The following ATP6V1H variants were observed in gnomAD, a reference collection of about 807,000 sequenced individuals.
ATP6V1H encodes the protein ATPase H+ transporting V1 subunit H.
ATP6V1H carries 39 observed loss-of-function variants against 71.7 expected under a neutral mutation model. The observed-to-expected ratio is 0.54, with a 90% confidence interval of 0.42 to 0.71. ATP6V1H has a LOEUF of 0.71. ATP6V1H is among the 30% of genes least tolerant of loss of function. The pLI, the probability that ATP6V1H is intolerant of heterozygous loss-of-function variation, is 0.00. For synonymous variants in ATP6V1H, 192 were observed against 199.3 expected, an observed-to-expected ratio of 0.96 and a Z score of 0.31; for missense variants, 509 against 594.9, an observed-to-expected ratio of 0.86 and a Z score of 1.50.
At chr8:53,720,545 T>C (rs79945238) in intron 13 of ATP6V1H, among the ~76,000 whole-genome samples, 6,932 of 152,282 alleles carry the variant, frequency 0.046, 533 homozygotes, top group African/African-American at 0.16. Flanking sequence ...GGAAGACCAT[T>C]ACCCATTCTA....
chr8:53,824,504 CA>C (rs1429789162), intron 4 of ATP6V1H, among the ~76,000 whole-genome samples: 1 of 152,090 alleles, frequency 6.6e-6, no homozygotes, highest in Non-Finnish European at 1.5e-5. Flanking sequence ...AATATCATAT[CA>C]AGAAAATATG....
intron 11 of ATP6V1H, among the ~76,000 whole-genome samples, chr8:53,765,454 AACACACACACACACAC>A (rs59822523): frequency 0.11 from 7,931 of 74,048 alleles, 589 homozygotes; most frequent in East Asian, 0.42. Flanking sequence ...CAACAACAAC[AACACACACACACACAC>A]ACACACACAC....
At chr8:53,774,700 A>G (rs1198162343) in intron 9 of ATP6V1H, among the ~76,000 whole-genome samples, 3 of 152,044 alleles carry the variant, frequency 2.0e-5, no homozygotes, top group African/African-American at 4.8e-5. Flanking sequence ...GAGTCTAGAT[A>G]TGAAAAAAAA....
intron 10 of ATP6V1H, among the ~76,000 whole-genome samples, chr8:53,771,486 G>A (rs912207189): frequency 1.3e-5 from 2 of 152,156 alleles, no homozygotes; most frequent in Admixed American, 6.6e-5. Context: ...AGACCCGAGG[G>A]AGAGTGAGGC....
At chr8:53,731,021 A>C (rs186139871) in intron 13 of ATP6V1H, among the ~76,000 whole-genome samples, 246 of 152,312 alleles carry the variant, frequency 1.6e-3, no homozygotes, top group Middle Eastern at 0.01. Context: ...CTGTAATCTT[A>C]TTAAGCCTCC....
intron 13 of ATP6V1H, among the ~76,000 whole-genome samples, chr8:53,718,054 TG>T (rs1806483704): frequency 6.6e-6 from 1 of 152,208 alleles, no homozygotes; most frequent in African/African-American, 2.4e-5. Context: ...GGCAGGGAAC[TG>T]GTAAGTTATC....
intron 10 of ATP6V1H, among the ~76,000 whole-genome samples, chr8:53,771,771 G>A (rs1808665509): frequency 6.6e-6 from 1 of 152,196 alleles, no homozygotes; most frequent in African/African-American, 2.4e-5. Flanking sequence ...TTAGACGGCA[G>A]AAAACAGTGG....
chr8:53,780,893 G>C (rs1809098223), intron 9 of ATP6V1H, among the ~76,000 whole-genome samples: 1 of 152,198 alleles, frequency 6.6e-6, no homozygotes, highest in African/African-American at 2.4e-5. Flanking sequence ...TGGCTGCAGA[G>C]TATTCCATGG....
chr8:53,749,063 T>C (rs1807703469), intron 12 of ATP6V1H, among the ~76,000 whole-genome samples: 1 of 152,266 alleles, frequency 6.6e-6, no homozygotes, highest in South Asian at 2.1e-4. Flanking sequence ...TCTAGTCAGA[T>C]ACAGGTGGCT....
At position 53,772,164 on chromosome 8, in the gene ATP6V1H, A is replaced by C; in HGVS notation, c.874T>G (p.Phe292Val). Residue 292 changes from phenylalanine to valine, a missense_variant, in exon 10 of 14, where the codon TTT (phenylalanine) becomes GTT (valine). Physicochemically the swap from Phe to Val is conservative, Grantham distance 50. This residue lies in a region of ATP6V1H where 212 missense variants were observed against 291.6 expected (regional missense o/e 0.73). Transcript: ENST00000359530. ...TRIILAAFRN[F>V]LEKSTERETR... is the part of the protein sequence containing the mutation. ...TCTCTTTCAGTTGATTTTTCTAAAA[A>C]GTTCTGGGTTAGACAAAGTGATAGT... 1.9e-6 allele frequency: 3 copies of C among 1,610,528 alleles called. No homozygotes were observed. The South Asian group carries it at 3.3e-5, about 18-fold the overall frequency.
chr8:53,755,717 TATATATATATATATATATATA>T (rs1563451101), intron 12 of ATP6V1H, among the ~76,000 whole-genome samples: 4 of 7,250 alleles, frequency 5.5e-4, no homozygotes, highest in African/African-American at 1.4e-3. Flanking sequence ...TATATATATA[TATATATATATATATATATATA>T]TATATATTTT....
At chr8:53,827,242 G>T (rs1473343125) in intron 4 of ATP6V1H, among the ~76,000 whole-genome samples, 2 of 151,676 alleles carry the variant, frequency 1.3e-5, no homozygotes, top group Non-Finnish European at 1.5e-5. Flanking sequence ...AATTAGCCAG[G>T]CATGGTGACA....
intron 9 of ATP6V1H, among the ~76,000 whole-genome samples, chr8:53,793,268 G>A (rs996625285): frequency 8.5e-5 from 13 of 152,172 alleles, no homozygotes; most frequent in Admixed American, 7.2e-4. Context: ...ATAGTGAGCA[G>A]AAAAATATGC....
At chr8:53,809,073 G>C (rs1585811420) in intron 7 of ATP6V1H, among the ~76,000 whole-genome samples, 2 of 152,206 alleles carry the variant, frequency 1.3e-5, no homozygotes, top group East Asian at 3.8e-4. Flanking sequence ...GCCTAAAGAT[G>C]CAATTCCAAC....
intron 1 of ATP6V1H, 88 bp from the exon 2 acceptor site, chr8:53,841,813 A>G: frequency 8.1e-7 from 1 of 1,230,318 alleles, no homozygotes; most frequent in Non-Finnish European, 1.1e-6. Context: ...TATCGTGATC[A>G]CTTTAATCTC....
At chr8:53,833,973 C>T (rs570566206) in intron 2 of ATP6V1H, among the ~76,000 whole-genome samples, 1 of 152,284 alleles carries the variant, frequency 6.6e-6, no homozygotes, top group South Asian at 2.1e-4. Context: ...ACCTTCCCAA[C>T]TTCTCCACTC....
At chr8:53,745,353 G>A (rs879461633) in intron 12 of ATP6V1H, among the ~76,000 whole-genome samples, 1 of 152,024 alleles carries the variant, frequency 6.6e-6, no homozygotes, top group Non-Finnish European at 1.5e-5. Context: ...AGCTATGATT[G>A]CACCACTGCA....
intron 9 of ATP6V1H, among the ~76,000 whole-genome samples, chr8:53,772,940 A>G (rs1285269130): frequency 1.3e-5 from 2 of 150,676 alleles, no homozygotes; most frequent in Non-Finnish European, 3.0e-5. Flanking sequence ...GTAACAATTA[A>G]CTCCAATTGT....
intron 1 of ATP6V1H, chr8:53,842,580 A>G (rs1811378036): frequency 6.6e-6 from 1 of 152,218 alleles, no homozygotes; most frequent in African/African-American, 2.4e-5. Flanking sequence ...TTTGCTGTAT[A>G]AACAACCCTG....
Sources: allele counts gnomAD v4.1 joint callset (sites outside exome capture counted in the v4.1 genomes callset), GRCh38; gene constraint gnomAD v4.1.1; regional missense constraint gnomAD v4.1.1; transcripts MANE v1.5; gene names NCBI Gene and HGNC (gene_info 2026-07-23, HGNC 2026-07-21).